SRR: variants seen among roughly 807,000 people sequenced by gnomAD.
The protein encoded by SRR is D-serine ammonia-lyase.
Under a neutral mutation model 32.7 loss-of-function variants are expected in SRR, and 19 were observed. That is an observed-to-expected ratio of 0.58 (90% confidence interval 0.40 to 0.85). The LOEUF (loss-of-function observed/expected upper bound fraction) is 0.85. Ranked by LOEUF, SRR falls within the 40% of genes least tolerant of loss-of-function variation. The probability of loss-of-function intolerance (pLI) is 0.00; values close to 1 mark genes in which losing one functional copy is unlikely to be tolerated. For missense variants in SRR, 373 were observed against 404.7 expected, an observed-to-expected ratio of 0.92 and a Z score of 0.67; for synonymous variants, 142 against 140.9, an observed-to-expected ratio of 1.01 and a Z score of -0.06.
chr17:2,312,017 C>T (rs1219643008), intron 1 of SRR, among the ~76,000 whole-genome samples: 1 of 151,974 alleles, frequency 6.6e-6, no homozygotes, highest in African/African-American at 2.4e-5. Flanking sequence ...TGAGACCAGC[C>T]TGGGCAACAC....
chr17:2,320,170 A>G (rs1162875052), intron 4 of SRR, among the ~76,000 whole-genome samples: 1 of 150,004 alleles, frequency 6.7e-6, no homozygotes, highest in Non-Finnish European at 1.5e-5. Context: ...CATCTCATAC[A>G]CGGTGGAAAC....
intron 1 of SRR, among the ~76,000 whole-genome samples, chr17:2,304,541 C>A (rs982233895): frequency 6.6e-6 from 1 of 151,604 alleles, no homozygotes; most frequent in African/African-American, 2.4e-5. Flanking sequence ...CCGCGCCCGG[C>A]CGCCCCCTGA....
intron 1 of SRR, among the ~76,000 whole-genome samples, chr17:2,311,030 C>T (rs958653582): frequency 6.7e-6 from 1 of 149,884 alleles, no homozygotes; most frequent in African/African-American, 2.4e-5. Flanking sequence ...ACAGGCGTGA[C>T]CCACCACGCC....
At chr17:2,303,864 C>A, upstream of SRR, 1 of 655,820 alleles carries the variant, frequency 1.5e-6, no homozygotes, top group Non-Finnish European at 2.4e-6. Context: ...ACGACGGTGG[C>A]CGCGCTGGGA....
upstream of SRR, chr17:2,303,881 G>T: frequency 3.7e-6 from 2 of 545,648 alleles, no homozygotes; most frequent in South Asian, 5.0e-5. Flanking sequence ...GGGAGGAAAA[G>T]CGCCCGCCGC....
chr17:2,307,380 A>C (rs1312052224), intron 1 of SRR: 4 of 1,091,406 alleles, frequency 3.7e-6, no homozygotes, highest in Non-Finnish European at 5.6e-6. Context: ...GTGGTCGTGG[A>C]GGTGGTTTCG....
At chr17:2,303,733 T>C (rs758548173), upstream of SRR, 5 of 1,488,180 alleles carry the variant, frequency 3.4e-6, no homozygotes, top group South Asian at 6.3e-5. Flanking sequence ...TCGCGGCTGC[T>C]GCTACAGCCG....
At chr17:2,309,310 G>A (rs1417114967) in intron 1 of SRR, among the ~76,000 whole-genome samples, 1 of 152,066 alleles carries the variant, frequency 6.6e-6, no homozygotes, top group Non-Finnish European at 1.5e-5. Context: ...CCACTATCAG[G>A]ATATGTCTCT....
rs1272164765 is a variant in SRR at position 2,317,217 on chromosome 17, A to G, written c.169-653A>G. Among the ~76,000 whole-genome samples the G allele has an allele frequency of 2.7e-5, 4 of 148,350 alleles. 1 individual carries two copies. The highest frequency in any genetic ancestry group is 2.7e-4 in the Admixed American group (4 of 14,942). ...GACTCCATCTCGGGGGAAAAAAAAAAAAAAAAAAAAAAGGCCGGGTGCGGT... is the reference window on the plus strand; with the variant it reads ...GACTCCATCTCGGGGGAAAAAAAAAGAAAAAAAAAAAAGGCCGGGTGCGGT... On this transcript the variant is annotated intron_variant, in intron 2 of 7. Coordinates refer to ENST00000344595, the MANE Select transcript of SRR (RefSeq NM_021947.3).
chr17:2,315,010 G>A (rs993572823), intron 1 of SRR, among the ~76,000 whole-genome samples: 1 of 151,898 alleles, frequency 6.6e-6, no homozygotes, highest in Non-Finnish European at 1.5e-5. Context: ...TTGGGAGGCC[G>A]AGGCAGGCGG....
chr17:2,310,511 G>T (rs2075425829), intron 1 of SRR, among the ~76,000 whole-genome samples: 1 of 151,846 alleles, frequency 6.6e-6, no homozygotes. Context: ...CCTGCCAAGG[G>T]GGCATAATTG....
chr17:2,317,935 TG>T lies in SRR; in HGVS notation c.235del (p.Val79LeufsTer81), dbSNP rs752262505. On this transcript the variant is annotated frameshift_variant, in exon 3 of 8. Transcript: ENST00000344595. LOFTEE classifies it high-confidence loss of function. ...ATGCTTTAGAAAGGAAGCCGAAAGC[TG>T]TTGTTACTCACAGCAGTGGAAACCA... ...PDALERKPKA[V>X]VTHSSGNHGQ... 4 of 1,614,072 alleles carry T rather than the reference TG, an allele frequency of 2.5e-6. No individual in the cohort carries two copies. The highest frequency in any genetic ancestry group is 8.5e-7 in the Non-Finnish European group (1 of 1,180,002).
intron 2 of SRR, among the ~76,000 whole-genome samples, chr17:2,317,373 G>A (rs867343007): frequency 5.3e-5 from 8 of 151,632 alleles, no homozygotes; most frequent in South Asian, 2.1e-4. Context: ...TTAGCCGGGC[G>A]TGGTGGCGGG....
Position 2,323,771 on chromosome 17 carries a change from C to T in SRR, c.921C>T (p.Asn307=), listed in dbSNP as rs2075555341. Reference sequence around the variant, plus strand: ...AAACTGTTTCCCCAGAAGTAAAGAACATTTGTATTGTGCTCAGTGGTGGAA... The same window carrying T: ...AAACTGTTTCCCCAGAAGTAAAGAATATTTGTATTGTGCTCAGTGGTGGAA... ...HFQTVSPEVK[N]ICIVLSGGNV... Residue 307 remains asparagine (N), a synonymous_variant, in exon 8 of 8, where the codon AAC becomes AAT. Coordinates refer to ENST00000344595, the MANE Select transcript of SRR (RefSeq NM_021947.3). 3 of 1,614,054 alleles carry T rather than the reference C, an allele frequency of 1.9e-6. No homozygotes were observed. Among genetic ancestry groups the T allele is most frequent in the South Asian group, 2.2e-5 (2 of 91,088 alleles).
At chr17:2,320,566 T>G in intron 4 of SRR, among the ~76,000 whole-genome samples, 1 of 150,664 alleles carries the variant, frequency 6.6e-6, no homozygotes, top group Non-Finnish European at 1.5e-5. Context: ...TCATCTTCTT[T>G]TTATTTATTT....
chr17:2,322,849 A>G (rs1201764204), intron 6 of SRR: 3 of 375,788 alleles, frequency 8.0e-6, no homozygotes, highest in Non-Finnish European at 1.5e-5. Context: ...ACTGCAACCT[A>G]CCCCTCCCAA....
In SRR at chr17:2,321,287, T is replaced by C. The variant is rs753310916; in HGVS notation, c.400-19T>C. 2.5e-6 allele frequency: 4 copies of C among 1,611,966 alleles called. No individual in the cohort carries two copies. The highest frequency in any genetic ancestry group is 2.5e-6 in the Non-Finnish European group (3 of 1,179,580). ...TCTATTAAATACAAATCAATTAAGC[T>C]AAATTAATGTACTTTCAGTCCAGAG... On this transcript the variant is annotated intron_variant, in intron 4 of 7. Coordinates refer to ENST00000344595, the MANE Select transcript of SRR (RefSeq NM_021947.3).
At chr17:2,312,468 ACCGGTAGTC>A (rs1567775295) in intron 1 of SRR, among the ~76,000 whole-genome samples, 1 of 151,954 alleles carries the variant, frequency 6.6e-6, no homozygotes, top group Non-Finnish European at 1.5e-5. Flanking sequence ...GGTGGCACAC[ACCGGTAGTC>A]CCAGCTACTC....
At chr17:2,323,448 G>A (rs1331387715) in intron 7 of SRR, 103 bp downstream of exon 7, 3 of 1,358,236 alleles carry the variant, frequency 2.2e-6, no homozygotes, top group East Asian at 2.3e-5. Context: ...ACCTGACTAG[G>A]TAACTTCATG....
Sources: allele counts gnomAD v4.1 joint callset (sites outside exome capture counted in the v4.1 genomes callset), GRCh38; gene constraint gnomAD v4.1.1; transcripts MANE v1.5; gene names NCBI Gene and HGNC (gene_info 2026-07-23, HGNC 2026-07-21).